The following JAZF1 variants were observed in gnomAD, a reference collection of about 807,000 sequenced individuals.
JAZF1 encodes the protein juxtaposed with another zinc finger protein 1.
A neutral mutation model predicts 26.4 loss-of-function variants in JAZF1; 8 were observed. That is an observed-to-expected ratio of 0.30 (90% confidence interval 0.18 to 0.55). The LOEUF (loss-of-function observed/expected upper bound fraction) is 0.55, where lower values mean the gene tolerates loss of function less well. Ranked by LOEUF, JAZF1 falls within the 20% of genes least tolerant of loss-of-function variation. The pLI is 0.94. For synonymous variants in JAZF1, 126 were observed against 122.3 expected (o/e 1.03, Z -0.20); for missense variants, 199 against 322.0 (o/e 0.62, Z 2.92).
At chr7:28,000,419 C>A (rs998012022) in intron 1 of JAZF1, among the ~76,000 whole-genome samples, 4 of 152,090 alleles carry the variant, frequency 2.6e-5, no homozygotes, top group African/African-American at 9.7e-5. Flanking sequence ...AGTTGAGAAA[C>A]CCTGCTTTAA....
intron 1 of JAZF1, among the ~76,000 whole-genome samples, chr7:28,115,872 T>C (rs1324908139): frequency 6.6e-6 from 1 of 152,192 alleles, no homozygotes; most frequent in Admixed American, 6.5e-5. Flanking sequence ...GTCTCCTTTC[T>C]ACATCAAAGG....
At chr7:28,134,669 C>T (rs1260211027) in intron 1 of JAZF1, among the ~76,000 whole-genome samples, 1 of 151,832 alleles carries the variant, frequency 6.6e-6, no homozygotes. Context: ...ACAACAGGAT[C>T]CTGGTTCCTG....
intron 2 of JAZF1, among the ~76,000 whole-genome samples, chr7:27,900,131 C>T (rs764557491): frequency 6.6e-6 from 1 of 152,180 alleles, no homozygotes; most frequent in Non-Finnish European, 1.5e-5. Context: ...GCTGTGCCCA[C>T]CTCCCAGAAT....
At chr7:28,030,145 G>A (rs1583518625) in intron 1 of JAZF1, among the ~76,000 whole-genome samples, 1 of 152,210 alleles carries the variant, frequency 6.6e-6, no homozygotes, top group Non-Finnish European at 1.5e-5. Flanking sequence ...AGGGGCTGGC[G>A]CAGGATGGAG....
intron 1 of JAZF1, among the ~76,000 whole-genome samples, chr7:28,037,379 T>C (rs1023792510): frequency 1.1e-4 from 17 of 152,156 alleles, no homozygotes; most frequent in Admixed American, 7.2e-4. Flanking sequence ...TTCATCTGTG[T>C]AGTATTATAA....
chr7:28,153,167 AG>A (rs774348615), intron 1 of JAZF1, among the ~76,000 whole-genome samples: 5 of 152,148 alleles, frequency 3.3e-5, no homozygotes, highest in Non-Finnish European at 7.4e-5. Flanking sequence ...GTACTCTCCA[AG>A]GGTACACTAC....
chr7:28,136,597 A>C (rs1008507824), intron 1 of JAZF1, among the ~76,000 whole-genome samples: 2 of 152,250 alleles, frequency 1.3e-5, no homozygotes, highest in East Asian at 3.8e-4. Context: ...GCTCAAATCC[A>C]TCTATTTTTT....
chr7:27,879,242 C>A (rs1333956251), intron 3 of JAZF1, among the ~76,000 whole-genome samples: 2 of 152,166 alleles, frequency 1.3e-5, no homozygotes, highest in African/African-American at 4.8e-5. Flanking sequence ...TTCTTCATAT[C>A]AAGCATCCTC....
chr7:27,849,746 C>CACACAGACACAGACACACACACACAG, intron 3 of JAZF1, among the ~76,000 whole-genome samples: 1 of 135,608 alleles, frequency 7.4e-6, no homozygotes, highest in African/African-American at 2.7e-5. Flanking sequence ...GGAACCCTTA[C>CACACAGACACAGACACACACACACAG]ACACAGACAC....
intron 3 of JAZF1, among the ~76,000 whole-genome samples, chr7:27,869,122 A>G (rs1187386624): frequency 6.6e-6 from 1 of 152,236 alleles, no homozygotes; most frequent in Non-Finnish European, 1.5e-5. Flanking sequence ...GATGCCACAT[A>G]AACACCACAT....
chr7:27,959,210 G>A lies in JAZF1; in HGVS notation c.188+32699C>T, dbSNP rs1446745186. On this transcript the variant is annotated intron_variant, in intron 2 of 4. Coordinates refer to ENST00000283928, the MANE Select transcript of JAZF1 (RefSeq NM_175061.4). Reference sequence around the variant, plus strand: ...AAGATTTGACATCAGGTGTCCCAGTGCTTTCTAATTATGATCAGGGTTCCC... The same window carrying A: ...AAGATTTGACATCAGGTGTCCCAGTACTTTCTAATTATGATCAGGGTTCCC... Among the ~76,000 whole-genome samples the A allele has an allele frequency of 2.0e-5, 3 of 152,198 alleles. No individual in the cohort carries two copies. In the East Asian group the frequency reaches 5.8e-4, roughly 29 times the overall value.
intron 2 of JAZF1, among the ~76,000 whole-genome samples, chr7:27,971,483 A>G (rs1785375047): frequency 6.6e-6 from 1 of 152,232 alleles, no homozygotes. Context: ...GAGCCTTCAA[A>G]GGCAGGACTA....
chr7:27,894,147 G>GTAA (rs1784020230), intron 3 of JAZF1, among the ~76,000 whole-genome samples: 1 of 152,186 alleles, frequency 6.6e-6, no homozygotes, highest in South Asian at 2.1e-4. Flanking sequence ...TCCAACAGGT[G>GTAA]TAAGCTCCTG....
At chr7:28,074,697 A>T (rs1423691654) in intron 1 of JAZF1, among the ~76,000 whole-genome samples, 1 of 152,160 alleles carries the variant, frequency 6.6e-6, no homozygotes, top group Non-Finnish European at 1.5e-5. Flanking sequence ...CTGATCTTTA[A>T]ATTTTGCATA....
At chr7:27,917,912 A>G (rs1784468656) in intron 2 of JAZF1, among the ~76,000 whole-genome samples, 1 of 152,084 alleles carries the variant, frequency 6.6e-6, no homozygotes, top group Admixed American at 6.5e-5. Context: ...CTGACTCTCC[A>G]CTTTTGGGCC....
intron 1 of JAZF1, among the ~76,000 whole-genome samples, chr7:28,020,985 C>G (rs1412681337): frequency 1.3e-5 from 2 of 152,176 alleles, no homozygotes; most frequent in African/African-American, 4.8e-5. Context: ...TACCCCGGAG[C>G]TACTCAGTAA....
At position 28,108,254 on chromosome 7, in the gene JAZF1, C is replaced by A. The variant is rs140334524; in HGVS notation, c.115+72209G>T. On this transcript the variant is annotated intron_variant, in intron 1 of 4. Transcript: ENST00000283928. ...CAGTCATATCCAGGCCCAGTTAATG[C>A]CCCGATTGGATTAACCTTCCAACCT... Among the ~76,000 whole-genome samples the A allele has an allele frequency of 1.1e-4, 17 of 152,292 alleles. No individual in the cohort carries two copies. In the East Asian group the frequency reaches 3.1e-3, roughly 28 times the overall value.
At chr7:28,043,604 GA>G (rs1783442734) in intron 1 of JAZF1, among the ~76,000 whole-genome samples, 1 of 152,078 alleles carries the variant, frequency 6.6e-6, no homozygotes, top group Admixed American at 6.6e-5. Flanking sequence ...GTTGAACGTA[GA>G]ATTACCATAT....
At chr7:27,873,653 T>C (rs907486543) in intron 3 of JAZF1, among the ~76,000 whole-genome samples, 5 of 152,256 alleles carry the variant, frequency 3.3e-5, no homozygotes, top group African/African-American at 4.8e-5. Flanking sequence ...CTTTTAACCA[T>C]GATAGCGGTT....
Sources: allele counts gnomAD v4.1 joint callset (sites outside exome capture counted in the v4.1 genomes callset), GRCh38; gene constraint gnomAD v4.1.1; transcripts MANE v1.5; gene names NCBI Gene and HGNC (gene_info 2026-07-23, HGNC 2026-07-21).